The following ZNF483 variants were observed in gnomAD, a reference collection of about 807,000 sequenced individuals.
ZNF483 encodes zinc finger protein 483.
Under a neutral mutation model 28.6 loss-of-function variants are expected in ZNF483, and 9 were observed. The ratio of observed to expected loss-of-function variants is 0.32; its 90% confidence interval spans 0.19 to 0.55. The LOEUF is 0.55. ZNF483 is among the 20% of genes least tolerant of loss of function. The probability of loss-of-function intolerance (pLI) is 0.93; values close to 1 mark genes in which losing one functional copy is unlikely to be tolerated. For synonymous variants in ZNF483, 322 were observed against 306.2 expected, an observed-to-expected ratio of 1.05 and a Z score of -0.54; for missense variants, 675 against 871.7, an observed-to-expected ratio of 0.77 and a Z score of 2.84.
At chr9:111,534,207 G>C in intron 4 of ZNF483, 54 bp from the exon 5 acceptor site, 4 of 1,428,960 alleles carry the variant, frequency 2.8e-6, no homozygotes, top group Non-Finnish European at 3.9e-6. Flanking sequence ...TGAATGCTGG[G>C]ATATCTTTAC....
At chr9:111,535,230 G>T (rs1262322054) in intron 5 of ZNF483, among the ~76,000 whole-genome samples, 1 of 152,246 alleles carries the variant, frequency 6.6e-6, no homozygotes, top group Non-Finnish European at 1.5e-5. Flanking sequence ...TATCCCCGCA[G>T]GGGGAGGTGT....
In ZNF483 at chr9:111,541,912, G is replaced by A; in HGVS notation, c.977G>A (p.Arg326Lys). ...DLIKHLRVYL[R>K]KKSRRYNESK... ...ATTAAACATCTGAGAGTCTACTTGA[G>A]GAAGAAATCTCGGAGGTATAATGAA... The change falls in exon 6 of 6, where the codon AGG becomes AAG. Residue 326 changes from arginine to lysine, a missense_variant. This residue lies in a region of ZNF483 where 525 missense variants were observed against 581.8 expected (regional missense o/e 0.90). Coordinates refer to ENST00000309235, the MANE Select transcript of ZNF483 (RefSeq NM_133464.5). 1 of 1,614,050 alleles carries A rather than the reference G, an allele frequency of 6.2e-7. No homozygotes were observed. The highest frequency in any genetic ancestry group is 1.3e-5 in the African/African-American group (1 of 75,030).
chr9:111,565,645 T>A (rs986051287), intron 5 of ZNF483, among the ~76,000 whole-genome samples: 2 of 152,068 alleles, frequency 1.3e-5, no homozygotes, highest in Non-Finnish European at 2.9e-5. Flanking sequence ...CACCTCAGCC[T>A]CCCGAGTAGC....
chr9:111,533,606 C>A (rs1827402819), intron 3 of ZNF483, 133 bp from the exon 4 acceptor site: 1 of 804,856 alleles, frequency 1.2e-6, no homozygotes, highest in Non-Finnish European at 1.8e-6. Context: ...GGAGGTTGAG[C>A]CTGCAGTGAA....
At chr9:111,573,456 T>C (rs1828920104) in intron 5 of ZNF483, among the ~76,000 whole-genome samples, 1 of 152,198 alleles carries the variant, frequency 6.6e-6, no homozygotes, top group Non-Finnish European at 1.5e-5. Context: ...AGTGGGGCTA[T>C]AAGGTTTCAT....
At chr9:111,570,630 T>A (rs916062915) in intron 5 of ZNF483, among the ~76,000 whole-genome samples, 1 of 150,160 alleles carries the variant, frequency 6.7e-6, no homozygotes, top group Non-Finnish European at 1.5e-5. Context: ...AAAAAAAAAA[T>A]TAGCTGGGCA....
intron 5 of ZNF483, among the ~76,000 whole-genome samples, chr9:111,573,552 T>C (rs1047633421): frequency 6.6e-6 from 1 of 152,188 alleles, no homozygotes; most frequent in Non-Finnish European, 1.5e-5. Context: ...GATTCCTTTT[T>C]TTCCTACTTT....
chr9:111,533,894 C>A, intron 4 of ZNF483, 29 bp downstream of exon 4: 9 of 1,580,490 alleles, frequency 5.7e-6, no homozygotes, highest in Non-Finnish European at 7.7e-6. Flanking sequence ...CATTACCTAG[C>A]GTTTAACCTT....
intron 5 of ZNF483, among the ~76,000 whole-genome samples, chr9:111,538,405 G>GCT (rs1827574802): frequency 6.6e-6 from 1 of 151,568 alleles, no homozygotes; most frequent in African/African-American, 2.4e-5. Flanking sequence ...TGAGAGGATT[G>GCT]CTTGAGCCCA....
chr9:111,570,141 C>T, intron 5 of ZNF483: 2 of 1,614,138 alleles, frequency 1.2e-6, no homozygotes, highest in South Asian at 1.1e-5. Flanking sequence ...CGGGCATCTC[C>T]TTGCCAGCGG....
chr9:111,527,404 T>C lies in ZNF483; in HGVS notation c.9T>C (p.Ala3=). 6.2e-7 allele frequency: 1 copy of C among 1,613,254 alleles called. No homozygotes were observed. Among genetic ancestry groups the C allele is most frequent in the Non-Finnish European group, 8.5e-7 (1 of 1,179,852 alleles). The change falls in exon 2 of 6, where the codon GCT becomes GCC. Residue 3 remains alanine (A), a synonymous_variant. Coordinates refer to ENST00000309235, the MANE Select transcript of ZNF483 (RefSeq NM_133464.5). Reference sequence around the variant, plus strand: ...CCTGCCCCTGAGACACAATGCAAGCTGTAGTGCCCTTGAACAAGATGACAG... The same window carrying C: ...CCTGCCCCTGAGACACAATGCAAGCCGTAGTGCCCTTGAACAAGATGACAG... MQ[A]VVPLNKMTAI... is the part of the protein sequence containing the mutation.
In ZNF483 at chr9:111,531,878, C is replaced by T. The variant is rs899931351; in HGVS notation, c.501+915C>T. ...AAAATATTTTTTGTAGAGTTGGGGT[C>T]TTGCTGTGTTGCCCAGGCCAGTCTT... is the stretch of plus-strand genomic sequence containing the variant. On this transcript the variant is annotated intron_variant, in intron 3 of 5. Transcript: ENST00000309235. Among the ~76,000 whole-genome samples, 67 of 152,238 alleles carry T rather than the reference C, an allele frequency of 4.4e-4. 1 individual carries two copies. Among genetic ancestry groups the T allele is most frequent in the African/African-American group, 1.5e-3 (62 of 41,564 alleles).
At position 111,546,311 on chromosome 9, in the gene ZNF483, A is replaced by G. The variant is rs997212391; in HGVS notation, c.*3141A>G. On this transcript the variant is annotated 3_prime_UTR_variant, in exon 6 of 6. Coordinates refer to ENST00000309235, the MANE Select transcript of ZNF483 (RefSeq NM_133464.5). ...GTCCTTTATCCAATATGAACTTTCT[A>G]AATACCATGTACTAGCTACAGAGAG... Among the ~76,000 whole-genome samples the G allele has an allele frequency of 3.3e-5, 5 of 152,282 alleles. No homozygotes were observed. The highest frequency in any genetic ancestry group is 2.0e-4 in the Admixed American group (3 of 15,298).
In ZNF483 at chr9:111,546,976, A is replaced by G. The variant is rs146704577; in HGVS notation, c.*3806A>G. Reference sequence around the variant, plus strand: ...TGTTTGGCTTATTCCACTTAGCATTATGTTTTCAAGGTTCGGCCGTGTTGT... The same window carrying G: ...TGTTTGGCTTATTCCACTTAGCATTGTGTTTTCAAGGTTCGGCCGTGTTGT... On this transcript the variant is annotated 3_prime_UTR_variant, in exon 6 of 6. Coordinates refer to ENST00000309235, the MANE Select transcript of ZNF483 (RefSeq NM_133464.5). 2.5e-3 allele frequency among the ~76,000 whole-genome samples: 378 copies of G among 152,266 alleles called. 1 individual carries two copies. The highest frequency in any genetic ancestry group is 7.5e-3 in the African/African-American group (310 of 41,562).
Position 111,543,876 on chromosome 9 carries a change from T to C in ZNF483, c.*706T>C. On this transcript the variant is annotated 3_prime_UTR_variant, in exon 6 of 6. Coordinates refer to ENST00000309235, the MANE Select transcript of ZNF483 (RefSeq NM_133464.5). Reference sequence around the variant, plus strand: ...CTCAAGTGATCCTTCCATCTCACTTTCCTGAGTAGCTGACATTACGGGTAC... The same window carrying C: ...CTCAAGTGATCCTTCCATCTCACTTCCCTGAGTAGCTGACATTACGGGTAC... 2.0e-6 allele frequency: 2 copies of C among 983,770 alleles called. No individual in the cohort carries two copies. Among genetic ancestry groups the C allele is most frequent in the East Asian group, 1.1e-4 (1 of 8,796 alleles). 60.9% of individuals were successfully genotyped at this position (983,770 alleles called of 1,614,324 possible). A position where few individuals can be genotyped will look rare whatever the true frequency, so the allele number is the denominator to read the frequency against.
At position 111,544,089 on chromosome 9, in the gene ZNF483, G is replaced by A. The variant is rs1386427532; in HGVS notation, c.*919G>A. 2 of 985,266 alleles carry A rather than the reference G, an allele frequency of 2.0e-6. No homozygotes were observed. Among genetic ancestry groups the A allele is most frequent in the East Asian group, 2.3e-4 (2 of 8,824 alleles). 61.0% of individuals were successfully genotyped at this position (985,266 alleles called of 1,614,324 possible). ...GGAACTCTTTTTCTTTTGGGCATTG[G>A]CCAACAGGACTGAGAAGCCAGAGAG... is the stretch of plus-strand genomic sequence containing the variant. On this transcript the variant is annotated 3_prime_UTR_variant, in exon 6 of 6. Coordinates refer to ENST00000309235, the MANE Select transcript of ZNF483 (RefSeq NM_133464.5).
intron 5 of ZNF483, among the ~76,000 whole-genome samples, chr9:111,572,322 T>C (rs1828853560): frequency 5.9e-5 from 9 of 152,152 alleles, no homozygotes; most frequent in Admixed American, 5.9e-4. Context: ...GGGATGGGCA[T>C]GGTGGCTCAT....
rs1396531808 is a variant in ZNF483, at chr9:111,544,881, A to T, written c.*1711A>T. Among the ~76,000 whole-genome samples the T allele has an allele frequency of 6.6e-6, 1 of 152,208 alleles. No individual in the cohort carries two copies. Among genetic ancestry groups the T allele is most frequent in the Non-Finnish European group, 1.5e-5 (1 of 68,026 alleles). ...GGTCATAGGGTTCTGGAGGAACCCC[A>T]TGGACTCAACAGTGGTCTAGAAATA... On this transcript the variant is annotated 3_prime_UTR_variant, in exon 6 of 6. Coordinates refer to ENST00000309235, the MANE Select transcript of ZNF483 (RefSeq NM_133464.5).
At chr9:111,538,218 T>C (rs1466731455) in intron 5 of ZNF483, among the ~76,000 whole-genome samples, 1 of 151,848 alleles carries the variant, frequency 6.6e-6, no homozygotes, top group African/African-American at 2.4e-5. Flanking sequence ...ACATGTTTAT[T>C]GAAAAAAATC....
Sources: gnomAD v4.1 joint callset for allele counts (sites outside exome capture counted in the v4.1 genomes callset) on GRCh38, gnomAD v4.1.1 for gene constraint, gnomAD v4.1.1 regional missense constraint, MANE v1.5 for transcripts, NCBI Gene and HGNC (gene_info 2026-07-23, HGNC 2026-07-21) for gene names.